NUDC: variants seen among roughly 807,000 people sequenced by gnomAD.
NUDC encodes the protein nuclear migration protein nudC.
Under a neutral mutation model 45.0 loss-of-function variants are expected in NUDC, and 14 were observed. The ratio of observed to expected loss-of-function variants is 0.31; its 90% CI spans 0.21 to 0.49. The LOEUF (loss-of-function observed/expected upper bound fraction) is 0.49, where lower values mean the gene tolerates loss of function less well. Among genes scored for constraint, NUDC ranks in the 20% least tolerant of loss-of-function variants. The pLI is 0.99. For synonymous variants in NUDC, 153 were observed against 156.7 expected (o/e 0.98, Z 0.17); for missense variants, 323 against 426.2 (o/e 0.76, Z 2.13).
chr1:26,935,283 G>A (rs533808594), intron 2 of NUDC, among the ~76,000 whole-genome samples: 2 of 152,192 alleles, frequency 1.3e-5, no homozygotes, highest in African/African-American at 4.8e-5. Context: ...GTGCCCAGCC[G>A]TAAACCTCTT....
intron 2 of NUDC, among the ~76,000 whole-genome samples, chr1:26,934,076 G>C (rs56684417): frequency 0.037 from 5,707 of 152,256 alleles, 328 homozygotes; most frequent in African/African-American, 0.13. Flanking sequence ...TCGCTTAAAC[G>C]TGGGAGGCAG....
At chr1:26,918,279 C>CTTTTTTT (rs749407425), upstream of NUDC, among the ~76,000 whole-genome samples, 2 of 113,804 alleles carry the variant, frequency 1.8e-5, no homozygotes, top group African/African-American at 6.7e-5. Flanking sequence ...TCAAGTGATT[C>CTTTTTTT]TTTTTTTTTT....
rs569125959 is a variant in NUDC at position 26,921,796 on chromosome 1, G to A, written c.-53G>A. The A allele has an allele frequency of 3.3e-6, 5 of 1,528,342 alleles. No homozygotes were observed. The Admixed American group carries it at 5.9e-5, about 18-fold the overall frequency. The allele number at this position is 1,528,342 out of a possible 1,614,324, so 94.7% of individuals were successfully genotyped here. On this transcript the variant is annotated 5_prime_UTR_variant, in exon 1 of 9. Transcript: ENST00000321265. ...GCCCGGCGCGACCCGCAGGAGCGTA[G>A]AGAGCGCGGGACTAGAGTGCAGAGC...
At chr1:26,936,906 C>A (rs1570739466) in intron 2 of NUDC, among the ~76,000 whole-genome samples, 1 of 151,788 alleles carries the variant, frequency 6.6e-6, no homozygotes. Flanking sequence ...CCGTAACTAC[C>A]CAGAATTACT....
At chr1:26,936,134 AATATATATATATATATATAT>A (rs1215586103) in intron 2 of NUDC, among the ~76,000 whole-genome samples, 3 of 6,812 alleles carry the variant, frequency 4.4e-4, no homozygotes, top group African/African-American at 1.3e-3. Flanking sequence ...ACGCCCGGCT[AATATATATATATATATATAT>A]ATATATATAT....
rs138462476 is a variant in NUDC at position 26,924,265 on chromosome 1, C to T, written c.159+99C>T. The T allele has an allele frequency of 6.0e-4, 605 of 1,013,628 alleles. 4 individuals are homozygous for T. In the African/African-American group the frequency reaches 8.4e-3, roughly 14 times the overall value. The allele number at this position is 1,013,628 out of a possible 1,614,324, so 62.8% of individuals were successfully genotyped here. A position where few individuals can be genotyped will look rare whatever the true frequency, so the allele number is the denominator to read the frequency against. On this transcript the variant is annotated intron_variant, in intron 2 of 8. Coordinates refer to ENST00000321265, the MANE Select transcript of NUDC (RefSeq NM_006600.4). ...GCATAATAGTAACTTTCAGCAGAAG[C>T]GAAATGCCAAAGGTGAGGAATTGGG...
chr1:26,922,927 G>T (rs371727405), intron 1 of NUDC, among the ~76,000 whole-genome samples: 4 of 152,178 alleles, frequency 2.6e-5, no homozygotes, highest in African/African-American at 9.7e-5. Flanking sequence ...AACTGGATTT[G>T]GGAGCGAGTT....
chr1:26,942,184 C>T (rs1365611274), intron 4 of NUDC, among the ~76,000 whole-genome samples: 5 of 152,080 alleles, frequency 3.3e-5, no homozygotes, highest in East Asian at 1.9e-4. Context: ...CCCAGCTACT[C>T]GGGAGGCTGA....
At chr1:26,917,311 C>T (rs777658290), upstream of NUDC, among the ~76,000 whole-genome samples, 14 of 151,824 alleles carry the variant, frequency 9.2e-5, no homozygotes, top group Non-Finnish European at 2.1e-4. Flanking sequence ...CCTGTAATCC[C>T]AGCACTTTGG....
At chr1:26,910,044 GTCT>G (rs2082019069) in intron 2 of NUDC, among the ~76,000 whole-genome samples, 2 of 152,140 alleles carry the variant, frequency 1.3e-5, no homozygotes, top group African/African-American at 4.8e-5. Flanking sequence ...ACAGACACAG[GTCT>G]GCCTACTTAG....
intron 1 of NUDC, among the ~76,000 whole-genome samples, chr1:26,923,754 G>C (rs1451285291): frequency 6.6e-6 from 1 of 152,144 alleles, no homozygotes; most frequent in Non-Finnish European, 1.5e-5. Flanking sequence ...TTATAGGTGT[G>C]AGCCAGTGTC....
chr1:26,928,758 TAAAAC>T (rs201349778), intron 2 of NUDC, among the ~76,000 whole-genome samples: 1,617 of 152,214 alleles, frequency 0.011, 28 homozygotes, highest in African/African-American at 0.036. Context: ...CGTTAAAAGA[TAAAAC>T]AAAATAACAA....
chr1:26,922,867 G>T (rs1198933716), intron 1 of NUDC, among the ~76,000 whole-genome samples: 1 of 152,222 alleles, frequency 6.6e-6, no homozygotes, highest in Non-Finnish European at 1.5e-5. Flanking sequence ...TTTCTCATTT[G>T]CAAGTGTGAA....
intron 2 of NUDC, among the ~76,000 whole-genome samples, chr1:26,940,346 C>T (rs2082266515): frequency 1.3e-5 from 2 of 152,006 alleles, no homozygotes; most frequent in African/African-American, 4.8e-5. Context: ...CGTGGTGGCA[C>T]ATGCCTATAA....
chr1:26,912,627 C>G (rs1557666791), intron 3 of NUDC, among the ~76,000 whole-genome samples: 1 of 152,214 alleles, frequency 6.6e-6, no homozygotes, highest in Non-Finnish European at 1.5e-5. Flanking sequence ...ACAAACAGCA[C>G]TGTCTCCATC....
intron 1 of NUDC, among the ~76,000 whole-genome samples, chr1:26,923,316 G>A (rs2082106007): frequency 6.6e-6 from 1 of 152,194 alleles, no homozygotes; most frequent in South Asian, 2.1e-4. Flanking sequence ...CTGTTGTACA[G>A]AGTTAAGAAA....
intron 1 of NUDC, chr1:26,922,232 G>T: frequency 2.0e-6 from 1 of 495,950 alleles, no homozygotes; most frequent in Non-Finnish European, 3.7e-6. Context: ...CTTCCAAGGA[G>T]CATCCCTTAG....
At chr1:26,937,338 CTG>C (rs1210055128) in intron 2 of NUDC, among the ~76,000 whole-genome samples, 1 of 152,188 alleles carries the variant, frequency 6.6e-6, no homozygotes, top group Non-Finnish European at 1.5e-5. Context: ...TCTCGGCTCA[CTG>C]TAACCTTCAG....
chr1:26,926,938 T>C (rs913627930), intron 2 of NUDC, among the ~76,000 whole-genome samples: 1 of 152,154 alleles, frequency 6.6e-6, no homozygotes, highest in African/African-American at 2.4e-5. Context: ...CTTAACACTT[T>C]GGATTATGTT....
Sources: gnomAD v4.1 joint callset for allele counts (sites outside exome capture counted in the v4.1 genomes callset) on GRCh38, gnomAD v4.1.1 for gene constraint, MANE v1.5 for transcripts, NCBI Gene and HGNC (gene_info 2026-07-23, HGNC 2026-07-21) for gene names.